EPHA6: variants seen among roughly 807,000 people sequenced by gnomAD.
EPHA6 encodes ephrin type-A receptor 6.
EPHA6 carries 50 observed loss-of-function variants against 112.0 expected under a neutral mutation model. The observed-to-expected ratio is 0.45, with a 90% CI of 0.36 to 0.56. The LOEUF (loss-of-function observed/expected upper bound fraction) is 0.56, where lower values mean the gene tolerates loss of function less well. EPHA6 is among the 20% of genes least tolerant of loss of function. The pLI, the probability that EPHA6 is intolerant of heterozygous loss-of-function variation, is 0.00. For synonymous variants in EPHA6, 529 were observed against 490.7 expected (o/e 1.08, Z -1.03); for missense variants, 1,280 against 1,417.4 (o/e 0.90, Z 1.56).
At chr3:96,934,644 TA>T (rs890241122) in intron 2 of EPHA6, among the ~76,000 whole-genome samples, 1 of 151,388 alleles carries the variant, frequency 6.6e-6, no homozygotes, top group Non-Finnish European at 1.5e-5. Flanking sequence ...GGAATATTTG[TA>T]AAAATTACTT....
intron 5 of EPHA6, among the ~76,000 whole-genome samples, chr3:97,331,614 C>A (rs1450084765): frequency 6.6e-6 from 1 of 152,162 alleles, no homozygotes; most frequent in African/African-American, 2.4e-5. Flanking sequence ...ATACTATAAA[C>A]ACCTCTACGC....
chr3:96,985,853 A>G (rs1471044527), intron 2 of EPHA6, among the ~76,000 whole-genome samples: 3 of 152,178 alleles, frequency 2.0e-5, no homozygotes, highest in South Asian at 2.1e-4. Flanking sequence ...ACTATACTAT[A>G]CTAGTGAAAC....
intron 5 of EPHA6, among the ~76,000 whole-genome samples, chr3:97,294,114 A>G (rs1292113325): frequency 6.6e-6 from 1 of 152,212 alleles, no homozygotes; most frequent in Admixed American, 6.5e-5. Context: ...CTGGGCCCCA[A>G]GAGCACAGGG....
intron 11 of EPHA6, among the ~76,000 whole-genome samples, chr3:97,541,385 A>G (rs891927767): frequency 1.3e-4 from 20 of 152,184 alleles, no homozygotes; most frequent in Non-Finnish European, 4.4e-5. Context: ...TATTTTCAAA[A>G]CCAAAAAATA....
Position 96,851,343 on chromosome 3 carries a change from G to A in EPHA6, c.386-15482G>A, listed in dbSNP as rs181146874. ...ATGTATGCAAAGTTTCCAATTAGAA[G>A]CAAAACTGGACTTAAACAGGTTAAA... On this transcript the variant is annotated intron_variant, in intron 1 of 17. Coordinates refer to ENST00000389672, the MANE Select transcript of EPHA6 (RefSeq NM_001080448.3). Among the ~76,000 whole-genome samples the A allele has an allele frequency of 8.3e-4, 127 of 152,234 alleles. 1 individual carries two copies. The highest frequency in any genetic ancestry group is 2.9e-3 in the African/African-American group (121 of 41,550).
chr3:97,560,316 A>G (rs2093170860), intron 11 of EPHA6, among the ~76,000 whole-genome samples: 1 of 152,058 alleles, frequency 6.6e-6, no homozygotes, highest in Admixed American at 6.6e-5. Flanking sequence ...ACAAGAGTGT[A>G]TTTAAATATA....
At chr3:97,152,524 G>A (rs1248601374) in intron 3 of EPHA6, among the ~76,000 whole-genome samples, 1 of 151,510 alleles carries the variant, frequency 6.6e-6, no homozygotes, top group East Asian at 1.9e-4. Flanking sequence ...GCATAGAGGA[G>A]CAAAATTAAA....
intron 3 of EPHA6, among the ~76,000 whole-genome samples, chr3:97,145,282 A>G (rs987091006): frequency 1.3e-5 from 2 of 151,532 alleles, no homozygotes; most frequent in African/African-American, 4.8e-5. Flanking sequence ...TAATTTTTCT[A>G]CATCTGTTTA....
chr3:96,815,048 G>C, intron 1 of EPHA6, 40 bp downstream of exon 1: 1 of 1,467,568 alleles, frequency 6.8e-7, no homozygotes, highest in Non-Finnish European at 9.1e-7. Flanking sequence ...GGTGGGAGGA[G>C]GAGGGTGCTT....
intron 1 of EPHA6, among the ~76,000 whole-genome samples, chr3:96,818,523 T>C (rs2032992339): frequency 6.6e-6 from 1 of 151,996 alleles, no homozygotes; most frequent in Non-Finnish European, 1.5e-5. Flanking sequence ...ATTAAATTTA[T>C]TAATTTGAGC....
chr3:97,306,513 C>G (rs544081624), intron 5 of EPHA6, among the ~76,000 whole-genome samples: 5 of 151,804 alleles, frequency 3.3e-5, no homozygotes, highest in African/African-American at 1.2e-4. Context: ...ACACCCTGTT[C>G]TGATTTCCTT....
At chr3:96,917,353 AGGTT>A (rs995032580) in intron 2 of EPHA6, among the ~76,000 whole-genome samples, 7 of 137,072 alleles carry the variant, frequency 5.1e-5, no homozygotes, top group African/African-American at 2.0e-4. Flanking sequence ...CAGCAGGCAG[AGGTT>A]GCAGTGAGCC....
At chr3:97,209,015 T>A (rs542175449) in intron 3 of EPHA6, among the ~76,000 whole-genome samples, 2 of 152,324 alleles carry the variant, frequency 1.3e-5, no homozygotes, top group African/African-American at 4.8e-5. Context: ...TGTTATTCTA[T>A]AATATTCTCA....
intron 3 of EPHA6, among the ~76,000 whole-genome samples, chr3:97,042,754 G>A (rs1422739088): frequency 6.6e-6 from 1 of 152,100 alleles, no homozygotes; most frequent in Non-Finnish European, 1.5e-5. Context: ...GCTATGAGTA[G>A]AAGAGCATAC....
In EPHA6 at chr3:96,922,628, A is replaced by G. The variant is rs973040107; in HGVS notation, c.450+55739A>G. ...TATTTGTAATCATTAAATCAAAGCA[A>G]TGCAATTCATTCCACTTTTTTTTTT... On this transcript the variant is annotated intron_variant, in intron 2 of 17. Transcript: ENST00000389672. Among the ~76,000 whole-genome samples the G allele has an allele frequency of 5.3e-5, 8 of 152,294 alleles. No homozygotes were observed. In the East Asian group the frequency reaches 7.7e-4, roughly 15 times the overall value.
At chr3:97,626,579 A>G (rs973674760) in intron 13 of EPHA6, among the ~76,000 whole-genome samples, 2 of 151,792 alleles carry the variant, frequency 1.3e-5, no homozygotes, top group Admixed American at 1.3e-4. Flanking sequence ...TAGACTAGAA[A>G]GAATCGAGAG....
chr3:97,308,802 A>T (rs1178399249), intron 5 of EPHA6, among the ~76,000 whole-genome samples: 1 of 151,706 alleles, frequency 6.6e-6, no homozygotes, highest in African/African-American at 2.4e-5. Flanking sequence ...ACTACATTCT[A>T]CCCGAGTATG....
At chr3:96,976,260 T>C (rs560187919) in intron 2 of EPHA6, among the ~76,000 whole-genome samples, 47 of 152,182 alleles carry the variant, frequency 3.1e-4, no homozygotes, top group Non-Finnish European at 6.0e-4. Flanking sequence ...CTCTGGCTTA[T>C]TGAATTTTAT....
intron 5 of EPHA6, among the ~76,000 whole-genome samples, chr3:97,343,692 A>T (rs9848435): frequency 1.3e-5 from 2 of 152,064 alleles, no homozygotes; most frequent in South Asian, 2.1e-4. Context: ...AAGTGAGACC[A>T]AATGAAGGAA....
Sources: gnomAD v4.1 joint callset for allele counts (sites outside exome capture counted in the v4.1 genomes callset) on GRCh38, gnomAD v4.1.1 for gene constraint, MANE v1.5 for transcripts, NCBI Gene and HGNC (gene_info 2026-07-23, HGNC 2026-07-21) for gene names.